The following ACBD6 variants were observed in gnomAD, a reference collection of about 807,000 sequenced individuals.
The protein encoded by ACBD6 is acyl-CoA-binding domain-containing protein 6.
In ACBD6, 28 loss-of-function variants were observed where a neutral mutation model predicts 37.2. That is an observed-to-expected ratio of 0.75 (90% confidence interval 0.56 to 1.03). The LOEUF (loss-of-function observed/expected upper bound fraction) is 1.03. Ranked by LOEUF, ACBD6 falls within the 50% of genes least tolerant of loss-of-function variation. The pLI, the probability that ACBD6 is intolerant of heterozygous loss-of-function variation, is 0.00. For synonymous variants in ACBD6, 113 were observed against 126.8 expected, an observed-to-expected ratio of 0.89 and a Z score of 0.73; for missense variants, 340 against 337.4, an observed-to-expected ratio of 1.01 and a Z score of -0.06.
chr1:180,271,772 T>A, exon 14 of ACBD6: 2 of 1,581,566 alleles, frequency 1.3e-6, no homozygotes, highest in Non-Finnish European at 8.7e-7. Context: ...GCCTAGGGGG[T>A]CCTGGGGGCT....
chr1:180,369,083 G>T (rs141005423), intron 6 of ACBD6, among the ~76,000 whole-genome samples: 1 of 152,198 alleles, frequency 6.6e-6, no homozygotes, highest in Admixed American at 6.5e-5. Context: ...TTCAAAGGAA[G>T]AAAACCTTTA....
intron 3 of ACBD6, among the ~76,000 whole-genome samples, chr1:180,453,915 T>C (rs901801551): frequency 3.9e-5 from 6 of 152,212 alleles, no homozygotes; most frequent in East Asian, 1.9e-4. Context: ...TGGAAAAACA[T>C]TCCATGCACG....
At chr1:180,437,602 T>C (rs951316508) in intron 3 of ACBD6, among the ~76,000 whole-genome samples, 7 of 152,192 alleles carry the variant, frequency 4.6e-5, no homozygotes, top group Admixed American at 6.5e-5. Flanking sequence ...AGATTTTATA[T>C]GTAAAAAAAT....
chr1:180,347,360 G>GTGTTTTTT (rs1553296138), intron 6 of ACBD6, among the ~76,000 whole-genome samples: 1 of 49,074 alleles, frequency 2.0e-5, no homozygotes, highest in African/African-American at 5.0e-5. Context: ...TCAACAGAAA[G>GTGTTTTTT]TTTTTTTTTT....
chr1:180,474,183 G>A (rs59390005), intron 3 of ACBD6, among the ~76,000 whole-genome samples: 1,594 of 151,996 alleles, frequency 0.01, 35 homozygotes, highest in African/African-American at 0.036. Context: ...TCACTTATAC[G>A]CAGGGAGAAA....
intron 3 of ACBD6, among the ~76,000 whole-genome samples, chr1:180,432,348 A>G (rs902065996): frequency 2.6e-5 from 4 of 152,136 alleles, no homozygotes; most frequent in Non-Finnish European, 5.9e-5. Flanking sequence ...TTTGCAAAAC[A>G]CTTATCTAAT....
At chr1:180,286,611 C>A (rs1649507723), downstream of ACBD6, among the ~76,000 whole-genome samples, 1 of 149,352 alleles carries the variant, frequency 6.7e-6, no homozygotes, top group African/African-American at 2.6e-5. Context: ...CAGCAGGTTG[C>A]AATGTAGCAA....
chr1:180,445,301 T>C (rs1016309104), intron 3 of ACBD6, among the ~76,000 whole-genome samples: 1 of 152,176 alleles, frequency 6.6e-6, no homozygotes, highest in African/African-American at 2.4e-5. Context: ...CTTTACCTAA[T>C]AGCTCTAAAC....
In ACBD6 at chr1:180,394,250, C is replaced by A. The variant is rs76569936; in HGVS notation, c.663+3266G>T. 6.6e-3 allele frequency among the ~76,000 whole-genome samples: 1,009 copies of A among 151,934 alleles called. 17 individuals carry two copies. Among genetic ancestry groups the A allele is most frequent in the African/African-American group, 0.023 (964 of 41,356 alleles). ...TTAGGACTACAGGCACCCACCACTA[C>A]ATCTAATTAAAAAAAAATGTGTGGA... On this transcript the variant is annotated intron_variant, in intron 6 of 7. Coordinates refer to ENST00000367595, the MANE Select transcript of ACBD6 (RefSeq NM_032360.4).
chr1:180,332,004 C>T (rs1239624318), intron 6 of ACBD6, among the ~76,000 whole-genome samples: 1 of 152,060 alleles, frequency 6.6e-6, no homozygotes, highest in Non-Finnish European at 1.5e-5. Flanking sequence ...TTGTGTCTCC[C>T]AAAAATATGT....
intron 6 of ACBD6, 85 bp downstream of exon 6, chr1:180,397,431 T>C: frequency 8.3e-7 from 1 of 1,210,200 alleles, no homozygotes; most frequent in East Asian, 2.3e-5. Context: ...AATTGCACAT[T>C]TCAAAAGAGT....
chr1:180,400,212 T>C (rs552465242), intron 5 of ACBD6, among the ~76,000 whole-genome samples: 2 of 152,342 alleles, frequency 1.3e-5, no homozygotes, highest in East Asian at 3.9e-4. Context: ...AAATTTACTT[T>C]AGGGGAAACA....
chr1:180,394,130 G>A (rs1450416082), intron 6 of ACBD6, among the ~76,000 whole-genome samples: 2 of 152,164 alleles, frequency 1.3e-5, no homozygotes, highest in African/African-American at 4.8e-5. Context: ...CTTATGCTCT[G>A]TCACCCAGGA....
intron 6 of ACBD6, among the ~76,000 whole-genome samples, chr1:180,373,772 T>C (rs764018626): frequency 1.6e-4 from 24 of 152,192 alleles, no homozygotes; most frequent in Non-Finnish European, 3.1e-4. Flanking sequence ...TATTTAAGAA[T>C]CTTTGCATTC....
At chr1:180,410,899 G>A (rs1288638429) in intron 5 of ACBD6, among the ~76,000 whole-genome samples, 1 of 152,140 alleles carries the variant, frequency 6.6e-6, no homozygotes, top group South Asian at 2.1e-4. Context: ...GATAGATCTG[G>A]GCAAACTGAA....
intron 7 of ACBD6, among the ~76,000 whole-genome samples, chr1:180,303,956 G>A (rs59113753): frequency 0.16 from 23,653 of 150,534 alleles, 2,902 homozygotes; most frequent in Middle Eastern, 0.23. Context: ...TTCAACATAC[G>A]CAAATCAATA....
intron 7 of ACBD6, among the ~76,000 whole-genome samples, chr1:180,314,318 C>T (rs1381322704): frequency 6.6e-6 from 1 of 152,122 alleles, no homozygotes; most frequent in Non-Finnish European, 1.5e-5. Flanking sequence ...AATCTCGGTT[C>T]ACTGCAACCT....
intron 6 of ACBD6, among the ~76,000 whole-genome samples, chr1:180,368,786 TA>T (rs1653147581): frequency 6.6e-6 from 1 of 151,790 alleles, no homozygotes; most frequent in South Asian, 2.1e-4. Flanking sequence ...ACTAATAAAA[TA>T]GAACAATTAT....
chr1:180,495,549 G>C (rs1360603485), intron 1 of ACBD6, 24 bp from the exon 2 acceptor site: 1 of 1,558,416 alleles, frequency 6.4e-7, no homozygotes, highest in Admixed American at 1.7e-5. Flanking sequence ...GGAAAATCAA[G>C]AACTTATTTT....
Sources: allele counts gnomAD v4.1 joint callset (sites outside exome capture counted in the v4.1 genomes callset), GRCh38; gene constraint gnomAD v4.1.1; transcripts MANE v1.5; gene names NCBI Gene and HGNC (gene_info 2026-07-23, HGNC 2026-07-21).